NGF: variants seen among roughly 807,000 people sequenced by gnomAD.
NGF encodes nerve growth factor, also known as beta-nerve growth factor.
A neutral mutation model predicts 12.8 loss-of-function variants in NGF; 4 were observed. That is an observed-to-expected ratio of 0.31 (90% CI 0.15 to 0.72). NGF has a LOEUF of 0.72. Among genes scored for constraint, NGF ranks in the 30% least tolerant of loss-of-function variants. The pLI, the probability that NGF is intolerant of heterozygous loss-of-function variation, is 0.69. For missense variants in NGF, 283 were observed against 330.8 expected, an observed-to-expected ratio of 0.86 and a Z score of 1.12; for synonymous variants, 140 against 130.0, an observed-to-expected ratio of 1.08 and a Z score of -0.52.
chr1:115,302,692 G>T (rs1260671535), intron 1 of NGF, among the ~76,000 whole-genome samples: 3 of 152,204 alleles, frequency 2.0e-5, no homozygotes, highest in African/African-American at 7.2e-5. Context: ...TTTCTGCCTT[G>T]TCTGGTCTAG....
intron 1 of NGF, among the ~76,000 whole-genome samples, chr1:115,331,700 T>C (rs1654927267): frequency 6.6e-6 from 1 of 152,234 alleles, no homozygotes; most frequent in Admixed American, 6.5e-5. Context: ...CAATGAGGCA[T>C]AGCCTCTCTA....
intron 1 of NGF, among the ~76,000 whole-genome samples, chr1:115,305,394 A>T (rs1455005391): frequency 6.6e-6 from 1 of 151,982 alleles, no homozygotes; most frequent in African/African-American, 2.4e-5. Flanking sequence ...TCTGCAATTC[A>T]CTCCTTTTTA....
chr1:115,321,406 G>T (rs907606214), intron 1 of NGF, among the ~76,000 whole-genome samples: 57 of 152,006 alleles, frequency 3.7e-4, no homozygotes, highest in Non-Finnish European at 7.6e-4. Context: ...AGCTTTTTGG[G>T]TTTTTTTCCT....
At chr1:115,312,109 G>T (rs1475546323) in intron 1 of NGF, among the ~76,000 whole-genome samples, 1 of 152,190 alleles carries the variant, frequency 6.6e-6, no homozygotes, top group Non-Finnish European at 1.5e-5. Context: ...GCTTTAGTTT[G>T]CTGTTGCTTG....
chr1:115,312,010 C>T (rs1478483491), intron 1 of NGF, among the ~76,000 whole-genome samples: 5 of 152,152 alleles, frequency 3.3e-5, no homozygotes, highest in Non-Finnish European at 1.5e-5. Context: ...TATGTAAAAT[C>T]AGAACTTGAC....
At chr1:115,295,488 G>C (rs1349715218) in intron 1 of NGF, among the ~76,000 whole-genome samples, 2 of 152,074 alleles carry the variant, frequency 1.3e-5, no homozygotes, top group African/African-American at 4.8e-5. Flanking sequence ...GTGTCCCCAG[G>C]GTAAGAGGTG....
At chr1:115,316,996 T>C (rs755202743) in intron 1 of NGF, among the ~76,000 whole-genome samples, 1 of 152,084 alleles carries the variant, frequency 6.6e-6, no homozygotes, top group Non-Finnish European at 1.5e-5. Context: ...GAATTGTCCA[T>C]GGTATTCAAA....
intron 1 of NGF, among the ~76,000 whole-genome samples, chr1:115,324,929 A>T (rs936771995): frequency 6.6e-6 from 1 of 152,248 alleles, no homozygotes; most frequent in Non-Finnish European, 1.5e-5. Context: ...CAATAAACAC[A>T]GCAAAGTTCC....
At chr1:115,337,256 GTTTTGTTTTTGTTTTTTTTTTTTTTTT>G (rs1655136854) in intron 1 of NGF, among the ~76,000 whole-genome samples, 1 of 27,200 alleles carries the variant, frequency 3.7e-5, no homozygotes, top group African/African-American at 1.7e-4. Flanking sequence ...AATTTTTTTT[GTTTTGTTTTTGTTTTTTTTTTTTTTTT>G]TTTTTTTTTT....
intron 1 of NGF, among the ~76,000 whole-genome samples, chr1:115,332,782 G>A (rs1189104712): frequency 6.6e-6 from 1 of 152,150 alleles, no homozygotes; most frequent in African/African-American, 2.4e-5. Context: ...CCTTCCCCCT[G>A]CTTATCTAGT....
intron 1 of NGF, among the ~76,000 whole-genome samples, chr1:115,336,744 A>G (rs1655118303): frequency 6.6e-6 from 1 of 152,232 alleles, no homozygotes; most frequent in Admixed American, 6.5e-5. Flanking sequence ...TGCCTCGAGA[A>G]GGGGAAAGAT....
intron 1 of NGF, among the ~76,000 whole-genome samples, chr1:115,332,588 G>A (rs527514991): frequency 6.6e-6 from 1 of 152,302 alleles, no homozygotes; most frequent in South Asian, 2.1e-4. Flanking sequence ...AGGGGAGGAA[G>A]CTCATGTTCG....
At chr1:115,319,592 G>A (rs189758369) in intron 1 of NGF, among the ~76,000 whole-genome samples, 4 of 152,262 alleles carry the variant, frequency 2.6e-5, no homozygotes, top group Non-Finnish European at 1.5e-5. Context: ...ATGGTAGTGC[G>A]GGTACAAGGG....
intron 1 of NGF, among the ~76,000 whole-genome samples, chr1:115,318,321 T>C (rs76665178): frequency 0.022 from 3,344 of 152,222 alleles, 58 homozygotes; most frequent in African/African-American, 0.028. Flanking sequence ...CTACCGAGAA[T>C]TGGACAGTGC....
intron 2 of NGF, among the ~76,000 whole-genome samples, chr1:115,289,084 A>G (rs1398951804): frequency 6.6e-6 from 1 of 152,226 alleles, no homozygotes; most frequent in Admixed American, 6.5e-5. Flanking sequence ...AAAGGAGGCA[A>G]TGGCATATCT....
At chr1:115,292,058 T>A (rs976994611) in intron 2 of NGF, among the ~76,000 whole-genome samples, 1 of 152,074 alleles carries the variant, frequency 6.6e-6, no homozygotes, top group African/African-American at 2.4e-5. Context: ...GGGCCAAGGG[T>A]CATTTCTTGT....
chr1:115,337,267 G>GTTTTTTTTTTTTTTTTTTTT lies in NGF; in HGVS notation c.-137+917_-137+936dup, dbSNP rs67307707. 2.5e-4 allele frequency among the ~76,000 whole-genome samples: 20 copies of GTTTTTTTTTTTTTTTTTTTT among 81,032 alleles called. 5 individuals carry two copies. The highest frequency in any genetic ancestry group is 3.0e-4 in the Non-Finnish European group (13 of 42,682). The allele number at this position is 81,032 out of a possible 152,430, so 53.2% of individuals were successfully genotyped here. A position where few individuals can be genotyped will look rare whatever the true frequency, so the allele number is the denominator to read the frequency against. ...TCGAAATTTTTTTTGTTTTGTTTTT[G>GTTTTTTTTTTTTTTTTTTTT]TTTTTTTTTTTTTTTTTTTTTTTTT... On this transcript the variant is annotated intron_variant, in intron 1 of 2. Transcript: ENST00000369512.
intron 1 of NGF, among the ~76,000 whole-genome samples, chr1:115,333,661 CT>C: frequency 4.1e-5 from 1 of 24,462 alleles, no homozygotes; most frequent in Non-Finnish European, 6.5e-5. Flanking sequence ...CTTTCTCTTT[CT>C]TTCTTTCTTT....
rs557052365 is a variant in NGF, at chr1:115,316,257, C to A, written c.-137+21947G>T. 3.9e-5 allele frequency among the ~76,000 whole-genome samples: 6 copies of A among 152,250 alleles called. No individual in the cohort carries two copies. In the South Asian group the frequency reaches 1.0e-3, roughly 26 times the overall value. On this transcript the variant is annotated intron_variant, in intron 1 of 2. Coordinates refer to ENST00000369512, the MANE Select transcript of NGF (RefSeq NM_002506.3). ...TTCTCTTCTAGTCCTAAACTCCTGC[C>A]ACACCAAATTAGCATTCATTACATC...
Sources: allele counts gnomAD v4.1 joint callset (sites outside exome capture counted in the v4.1 genomes callset), GRCh38; gene constraint gnomAD v4.1.1; transcripts MANE v1.5; gene names NCBI Gene and HGNC (gene_info 2026-07-23, HGNC 2026-07-21).